RPS6KL1: variants seen among roughly 807,000 people sequenced by gnomAD.
The protein encoded by RPS6KL1 is ribosomal protein S6 kinase like 1, also known as ribosomal protein S6 kinase-like 1.
A neutral mutation model predicts 57.0 loss-of-function variants in RPS6KL1; 41 were observed. The observed-to-expected ratio is 0.72, with a 90% confidence interval of 0.56 to 0.93. The LOEUF is 0.93. Ranked by LOEUF, RPS6KL1 falls within the 40% of genes least tolerant of loss-of-function variation. The pLI is 0.00. For missense variants in RPS6KL1, 697 were observed against 727.7 expected, an observed-to-expected ratio of 0.96 and a Z score of 0.49; for synonymous variants, 287 against 309.7, an observed-to-expected ratio of 0.93 and a Z score of 0.77.
Position 74,906,768 on chromosome 14 carries a change from T to C in RPS6KL1, c.*246A>G, listed in dbSNP as rs115696279. ...CTCAACGGGTCTGTTGACTGATGGG[T>C]AGATGGTTCAAGCTGCTTAGCAGGG... On this transcript the variant is annotated 3_prime_UTR_variant, in exon 12 of 12. Transcript: ENST00000557413. 1,564 of 667,016 alleles carry C rather than the reference T, an allele frequency of 2.3e-3. 24 individuals carry two copies. In the African/African-American group the frequency reaches 0.025, roughly 11 times the overall value. The allele number at this position is 667,016 out of a possible 1,614,324, so 41.3% of individuals were successfully genotyped here.
Position 74,907,542 on chromosome 14 carries a change from C to T in RPS6KL1, c.1444-12G>A. On this transcript the variant is annotated splice_polypyrimidine_tract_variant and intron_variant, in intron 10 of 11. Coordinates refer to ENST00000557413, the MANE Select transcript of RPS6KL1 (RefSeq NM_031464.5). ...CTCTGGGACAGTGCCTGGGAGGACA[C>T]AGGGAAGGGCCTCTGAGGAGGCAAC... is the stretch of plus-strand genomic sequence containing the variant. 2 of 1,561,206 alleles carry T rather than the reference C, an allele frequency of 1.3e-6. No individual in the cohort carries two copies. The highest frequency in any genetic ancestry group is 1.4e-5 in the African/African-American group (1 of 73,964).
chr14:74,910,481 GAA>G (rs1885744442), intron 7 of RPS6KL1: 1 of 207,154 alleles, frequency 4.8e-6, no homozygotes. Context: ...GAAATTTAAA[GAA>G]AAGTCAGGCA....
At position 74,909,984 on chromosome 14, in the gene RPS6KL1, C is replaced by CATGTCCTGAGG. The variant is rs748817100; in HGVS notation, c.828_829insCCTCAGGACAT (p.Ala277ProfsTer17). ...GGAGAAGTCCTAGGAGGCTCCAGGG[C>CATGTCCTGAGG]GATTCTGTCCTGGCCAGGGGCATGG... On this transcript the variant is annotated frameshift_variant, in exon 8 of 12. Transcript: ENST00000557413. LOFTEE classifies it high-confidence loss of function. The CATGTCCTGAGG allele has an allele frequency of 1.9e-6, 3 of 1,614,044 alleles. No individual in the cohort carries two copies. Among genetic ancestry groups the CATGTCCTGAGG allele is most frequent in the Non-Finnish European group, 2.5e-6 (3 of 1,179,978 alleles).
chr14:74,911,611 ATGTGTATG>A lies in RPS6KL1; in HGVS notation c.531+175_531+182del, dbSNP rs1233995118. On this transcript the variant is annotated intron_variant, in intron 6 of 11. Coordinates refer to ENST00000557413, the MANE Select transcript of RPS6KL1 (RefSeq NM_031464.5). ...TGTGTTTGTGTGTATGTGTATGTGT[ATGTGTATG>A]TGTGTGTGTGCATGCATGTGTGTCC... 25 of 663,774 alleles carry A rather than the reference ATGTGTATG, an allele frequency of 3.8e-5. 1 individual carries two copies. In the Middle Eastern group the frequency reaches 7.5e-4, roughly 20 times the overall value. The allele number at this position is 663,774 out of a possible 1,614,324, so 41.1% of individuals were successfully genotyped here. A position where few individuals can be genotyped will look rare whatever the true frequency, so the allele number is the denominator to read the frequency against.
chr14:74,917,795 C>T (rs1235561252), intron 5 of RPS6KL1, among the ~76,000 whole-genome samples: 6 of 152,154 alleles, frequency 3.9e-5, no homozygotes, highest in Admixed American at 2.0e-4. Context: ...TGGGCAAGGA[C>T]GGGCCAGAAC....
rs116471596 is a variant in RPS6KL1 at position 74,907,933 on chromosome 14, C to T, written c.1444-403G>A. Among the ~76,000 whole-genome samples, 1,496 of 152,166 alleles carry T rather than the reference C, an allele frequency of 9.8e-3. 33 individuals are homozygous for T. Among genetic ancestry groups the T allele is most frequent in the African/African-American group, 0.035 (1,434 of 41,502 alleles). On this transcript the variant is annotated intron_variant, in intron 10 of 11. Transcript: ENST00000557413. ...GCTACCATCGGGGCCAAGGCAGCGG[C>T]GTGGCAATAAAAGAAAATAGGACCT... is the stretch of plus-strand genomic sequence containing the variant.
chr14:74,921,758 CAGG>C, intron 2 of RPS6KL1, 197 bp from the exon 3 acceptor site: 1 of 1,196,510 alleles, frequency 8.4e-7, no homozygotes, highest in Non-Finnish European at 1.1e-6. Flanking sequence ...ATAACCAGCT[CAGG>C]ATTCTGTTTT....
chr14:74,921,729 T>C, intron 2 of RPS6KL1, 168 bp from the exon 3 acceptor site: 3 of 1,424,324 alleles, frequency 2.1e-6, no homozygotes, highest in Non-Finnish European at 2.7e-6. Flanking sequence ...CCTTCCTAAG[T>C]GGTGGTAATG....
rs774897997 is a variant in RPS6KL1 at position 74,908,907 on chromosome 14, C to T, written c.1386G>A (p.Thr462=). ...CAAAGCTCCACCAGTCACAGGCTTC[C>T]GTCAGCTCGGAAATCCCACCCACCT... The part of the protein sequence containing the change: ...APEVGGISEL[T]EACDWWSFGS... Residue 462 remains threonine (T), a synonymous_variant, in exon 10 of 12, where the codon ACG becomes ACA. Transcript: ENST00000557413. The T allele has an allele frequency of 1.9e-5, 30 of 1,613,790 alleles. No homozygotes were observed. The highest frequency in any genetic ancestry group is 1.6e-4 in the Middle Eastern group (1 of 6,082).
intron 3 of RPS6KL1, 39 bp downstream of exon 3, chr14:74,921,238 T>TCCCCCCCCC: frequency 8.3e-6 from 7 of 840,170 alleles, no homozygotes; most frequent in Admixed American, 1.8e-5. Flanking sequence ...CACTGGCCCT[T>TCCCCCCCCC]CCCCACCCAC....
intron 2 of RPS6KL1, 36 bp downstream of exon 2, chr14:74,921,942 C>T (rs1367968354): frequency 7.3e-6 from 2 of 274,846 alleles, no homozygotes; most frequent in East Asian, 2.0e-4. Context: ...CCACACCTGG[C>T]TATGTTTTGT....
intron 7 of RPS6KL1, 27 bp downstream of exon 7, chr14:74,911,221 C>G (rs2140279625): frequency 1.9e-6 from 3 of 1,607,678 alleles, no homozygotes; most frequent in Middle Eastern, 1.7e-4. Flanking sequence ...GCCTGGGGAG[C>G]TGACAGGGGG....
At position 74,909,121 on chromosome 14, in the gene RPS6KL1, T is replaced by G; in HGVS notation, c.1340A>C (p.Asp447Ala). 6.2e-7 allele frequency: 1 copy of G among 1,614,136 alleles called. No individual in the cohort carries two copies. Among genetic ancestry groups the G allele is most frequent in the Non-Finnish European group, 8.5e-7 (1 of 1,180,022 alleles). The change falls in exon 9 of 12, where the codon GAC becomes GCC. Residue 447 changes from aspartate (D) to alanine (A), a missense_variant. Physicochemically the swap from Asp to Ala is moderately radical, Grantham distance 126 (BLOSUM62 -2). Transcript: ENST00000557413. ...CTTGCCTGGGGCGCTGTAGAGATTG[T>G]CCACGGCCTCCCCGCAGCACTGGGG... Reference protein sequence around the residue: ...VEPQCCGEAVDNLYSAPEVGG... With the variant: ...VEPQCCGEAVANLYSAPEVGG...
At chr14:74,920,542 G>T (rs1887658900) in intron 3 of RPS6KL1, among the ~76,000 whole-genome samples, 1 of 152,192 alleles carries the variant, frequency 6.6e-6, no homozygotes, top group South Asian at 2.1e-4. Context: ...CCCTGACATG[G>T]AAGTTCCTCA....
At position 74,906,762 on chromosome 14, in the gene RPS6KL1, G is replaced by T; in HGVS notation, c.*252C>A. 1.5e-6 allele frequency: 1 copy of T among 659,852 alleles called. No homozygotes were observed. 40.9% of individuals were successfully genotyped at this position (659,852 alleles called of 1,614,324 possible). A position where few individuals can be genotyped will look rare whatever the true frequency, so the allele number is the denominator to read the frequency against. ...CACATGCTCAACGGGTCTGTTGACTGATGGGTAGATGGTTCAAGCTGCTTA... is the reference window on the plus strand; with the variant it reads ...CACATGCTCAACGGGTCTGTTGACTTATGGGTAGATGGTTCAAGCTGCTTA... On this transcript the variant is annotated 3_prime_UTR_variant, in exon 12 of 12. Coordinates refer to ENST00000557413, the MANE Select transcript of RPS6KL1 (RefSeq NM_031464.5).
In RPS6KL1 at chr14:74,921,532, C is replaced by T. The variant is rs758220369; in HGVS notation, c.10G>A (p.Val4Met). Residue 4 changes from valine to methionine, a missense_variant, in exon 3 of 12, where the codon GTG becomes ATG. By Grantham distance (21) the Val-to-Met change is conservative. Coordinates refer to ENST00000557413, the MANE Select transcript of RPS6KL1 (RefSeq NM_031464.5). MSL[V>M]ACECLPSPGL... Reference sequence around the variant, plus strand: ...GGGCTGGGCAGGCACTCACAGGCCACCAGGCTCATGGCTGCCCTGCAGCTG... The same window carrying T: ...GGGCTGGGCAGGCACTCACAGGCCATCAGGCTCATGGCTGCCCTGCAGCTG... 2 of 1,613,798 alleles carry T rather than the reference C, an allele frequency of 1.2e-6. No individual in the cohort carries two copies. The highest frequency in any genetic ancestry group is 3.3e-5 in the Admixed American group (2 of 60,014).
rs956080092 is a variant in RPS6KL1 at position 74,906,238 on chromosome 14, C to T, written c.*776G>A. ...ACCCCTGGGGCAGGCTGCCCCTCTTCCCCCACACAGGCCCACTGGGGAGGA... is the reference window on the plus strand; with the variant it reads ...ACCCCTGGGGCAGGCTGCCCCTCTTTCCCCACACAGGCCCACTGGGGAGGA... On this transcript the variant is annotated 3_prime_UTR_variant, in exon 12 of 12. Transcript: ENST00000557413. 4 of 297,918 alleles carry T rather than the reference C, an allele frequency of 1.3e-5. No individual in the cohort carries two copies. Among genetic ancestry groups the T allele is most frequent in the African/African-American group, 8.7e-5 (4 of 46,040 alleles). The allele number at this position is 297,918 out of a possible 1,614,324, so 18.5% of individuals were successfully genotyped here.
At position 74,921,431 on chromosome 14, in the gene RPS6KL1, C is replaced by T. The variant is rs137911584; in HGVS notation, c.111G>A (p.Val37=). The change falls in exon 3 of 12, where the codon GTG becomes GTA. Residue 37 remains valine, a synonymous_variant. Coordinates refer to ENST00000557413, the MANE Select transcript of RPS6KL1 (RefSeq NM_031464.5). ...HVYLEQIRNR[V]ALGVPDMTKR... is the part of the protein sequence containing the mutation. ...TTGTCATGTCAGGCACTCCCAGAGC[C>T]ACCCTGTTGCGAATCTGCTCCAGGT... 27 of 1,614,286 alleles carry T rather than the reference C, an allele frequency of 1.7e-5. No homozygotes were observed. In the African/African-American group the frequency reaches 3.5e-4, roughly 21 times the overall value.
rs180963750 is a variant in RPS6KL1, at chr14:74,912,785, C to T, written c.484-944G>A. 1.7e-3 allele frequency among the ~76,000 whole-genome samples: 258 copies of T among 152,306 alleles called. 1 individual carries two copies. The highest frequency in any genetic ancestry group is 8.1e-3 in the South Asian group (39 of 4,828). On this transcript the variant is annotated intron_variant, in intron 5 of 11. Transcript: ENST00000557413. ...AATAAGTAAAGTCCGCTTGAGAGGC[C>T]GTCTTTGGAGAGCAGCCTCTCCTTC... is the stretch of plus-strand genomic sequence containing the variant.
Sources: allele counts gnomAD v4.1 joint callset (sites outside exome capture counted in the v4.1 genomes callset), GRCh38; gene constraint gnomAD v4.1.1; transcripts MANE v1.5; gene names NCBI Gene and HGNC (gene_info 2026-07-23, HGNC 2026-07-21).